The following MAST4 variants were observed in gnomAD, a reference collection of about 807,000 sequenced individuals.
The protein encoded by MAST4 is microtubule associated serine/threonine kinase family member 4.
MAST4 carries 89 observed loss-of-function variants against 162.7 expected under a neutral mutation model. That is an observed-to-expected ratio of 0.55 (90% CI 0.46 to 0.65). MAST4 has a LOEUF of 0.65. Ranked by LOEUF, MAST4 falls within the 30% of genes least tolerant of loss-of-function variation. The pLI is 0.00. For missense variants in MAST4, 3,153 were observed against 3,374.0 expected, an observed-to-expected ratio of 0.93 and a Z score of 1.62; for synonymous variants, 1,479 against 1,361.1, an observed-to-expected ratio of 1.09 and a Z score of -1.91.
intron 3 of MAST4, among the ~76,000 whole-genome samples, chr5:66,866,375 A>G (rs186739808): frequency 2.8e-4 from 42 of 152,330 alleles, no homozygotes; most frequent in African/African-American, 1.0e-3. Flanking sequence ...GTGGGTTTTT[A>G]GAAGCCTATG....
At chr5:66,643,864 G>C (rs979462545) in intron 1 of MAST4, among the ~76,000 whole-genome samples, 5 of 146,428 alleles carry the variant, frequency 3.4e-5, no homozygotes, top group African/African-American at 1.3e-4. Context: ...CAGGAAAGAA[G>C]AGCAATAGCT....
At chr5:67,130,622 G>T (rs559689166) in intron 15 of MAST4, among the ~76,000 whole-genome samples, 1 of 152,060 alleles carries the variant, frequency 6.6e-6, no homozygotes. Flanking sequence ...GAAAATTAGC[G>T]CTATCTGGAA....
In MAST4 at chr5:67,164,352, C is replaced by G. The variant is rs1561202735; in HGVS notation, c.5173C>G (p.Pro1725Ala). The change falls in exon 29 of 29, where the codon CCC (proline) becomes GCC (alanine). Residue 1725 changes from proline (P) to alanine (A), a missense_variant. By Grantham distance (27) the Pro-to-Ala change is conservative. Transcript: ENST00000403625. The surrounding 1 kb of genome is among the most constrained non-coding windows in gnomAD (Gnocchi z 5.3). ...ATGCCTGCCAGGGAACCCAGTCCGA[C>G]CCACGGGTGGGCAGCAGGAGCCCCC... is the stretch of plus-strand genomic sequence containing the variant. ...HECLPGNPVR[P>A]TGGQQEPPPA... The G allele has an allele frequency of 1.2e-6, 2 of 1,613,978 alleles. No homozygotes were observed. The highest frequency in any genetic ancestry group is 1.7e-6 in the Non-Finnish European group (2 of 1,179,876).
At chr5:67,040,313 C>T (rs1272785766) in intron 4 of MAST4, among the ~76,000 whole-genome samples, 1 of 152,106 alleles carries the variant, frequency 6.6e-6, no homozygotes, top group African/African-American at 2.4e-5. Context: ...CAGTTCTCTC[C>T]AGAGAGCTGT....
chr5:67,041,027 T>C (rs1225213305), intron 4 of MAST4, among the ~76,000 whole-genome samples: 1 of 152,216 alleles, frequency 6.6e-6, no homozygotes, highest in Non-Finnish European at 1.5e-5. Flanking sequence ...AATTAAACCA[T>C]TGCTTGGAGT....
At chr5:66,614,467 A>G (rs549783858) in intron 1 of MAST4, among the ~76,000 whole-genome samples, 13 of 152,288 alleles carry the variant, frequency 8.5e-5, no homozygotes, top group African/African-American at 2.9e-4. Flanking sequence ...GTCTTGGGGT[A>G]TGTGAAGCCA....
rs557164466 is a variant in MAST4, at chr5:66,711,672, TA to T, written c.364-48032del. Among the ~76,000 whole-genome samples the T allele has an allele frequency of 6.5e-3, 991 of 152,140 alleles. 2 individuals are homozygous for T. Among genetic ancestry groups the T allele is most frequent in the South Asian group, 0.03 (142 of 4,810 alleles). On this transcript the variant is annotated intron_variant, in intron 1 of 28. Transcript: ENST00000403625. ...CAACATGGTGAAACCCCATCTCCAC[TA>T]AAAATACAAGAATTAGCTGGGCATG...
At chr5:66,771,813 A>G (rs891837653) in intron 2 of MAST4, among the ~76,000 whole-genome samples, 1 of 150,890 alleles carries the variant, frequency 6.6e-6, no homozygotes, top group Non-Finnish European at 1.5e-5. Flanking sequence ...AGGCGTAATC[A>G]TATTCCTTTT....
intron 4 of MAST4, among the ~76,000 whole-genome samples, chr5:66,988,883 C>T (rs189328163): frequency 1.3e-3 from 194 of 152,270 alleles, no homozygotes; most frequent in African/African-American, 4.5e-3. Flanking sequence ...CACATTTTAA[C>T]GTTTCTAGAA....
At chr5:66,761,504 AC>A (rs1368518705) in intron 2 of MAST4, among the ~76,000 whole-genome samples, 1 of 152,002 alleles carries the variant, frequency 6.6e-6, no homozygotes, top group Non-Finnish European at 1.5e-5. Flanking sequence ...TTTTCTTTCT[AC>A]ATGATGGTCT....
At chr5:66,752,200 G>A (rs1299183784) in intron 1 of MAST4, among the ~76,000 whole-genome samples, 2 of 152,194 alleles carry the variant, frequency 1.3e-5, no homozygotes, top group Non-Finnish European at 2.9e-5. Context: ...ATGGCAAAAT[G>A]TAAAGACCGT....
intron 3 of MAST4, among the ~76,000 whole-genome samples, chr5:66,858,470 C>T (rs1340010547): frequency 6.6e-6 from 1 of 152,106 alleles, no homozygotes; most frequent in Non-Finnish European, 1.5e-5. Context: ...TTCACCACCT[C>T]CAGTTTATAC....
intron 3 of MAST4, among the ~76,000 whole-genome samples, chr5:66,791,358 C>A (rs1382292415): frequency 1.3e-5 from 2 of 152,224 alleles, no homozygotes; most frequent in African/African-American, 2.4e-5. Context: ...CTAGTACTAA[C>A]AGTCACATAC....
chr5:66,738,414 G>T (rs1409919359), intron 1 of MAST4, among the ~76,000 whole-genome samples: 1 of 152,204 alleles, frequency 6.6e-6, no homozygotes, highest in East Asian at 1.9e-4. Context: ...ATGCCTAGAA[G>T]GTGGAGAGCC....
intron 1 of MAST4, among the ~76,000 whole-genome samples, chr5:66,634,444 G>A (rs1027618040): frequency 6.6e-6 from 1 of 152,238 alleles, no homozygotes; most frequent in South Asian, 2.1e-4. Flanking sequence ...ACAGCCACAA[G>A]GCCTCGCTAT....
intron 3 of MAST4, among the ~76,000 whole-genome samples, chr5:66,841,722 T>G (rs2149788886): frequency 6.6e-6 from 1 of 152,284 alleles, no homozygotes; most frequent in Admixed American, 6.5e-5. Context: ...CTTTGTGGAT[T>G]AGGGCATCAA....
chr5:67,020,385 G>T (rs1408219282), intron 4 of MAST4, among the ~76,000 whole-genome samples: 2 of 152,194 alleles, frequency 1.3e-5, no homozygotes, highest in Non-Finnish European at 2.9e-5. Context: ...CCAACAATCT[G>T]CCACATTATC....
intron 2 of MAST4, among the ~76,000 whole-genome samples, chr5:66,783,583 A>G (rs1659264699): frequency 6.6e-6 from 1 of 152,240 alleles, no homozygotes; most frequent in African/African-American, 2.4e-5. Flanking sequence ...ACTGGATGTC[A>G]AAGCCTTGTC....
At chr5:66,986,601 T>C in intron 4 of MAST4, 1 of 136,096 alleles carries the variant, frequency 7.3e-6, no homozygotes, top group Non-Finnish European at 1.2e-5. Context: ...TGTATGAATT[T>C]ATATATATAT....
Sources: gnomAD v4.1 joint callset for allele counts (sites outside exome capture counted in the v4.1 genomes callset) on GRCh38, gnomAD v4.1.1 for gene constraint, Gnocchi (gnomAD v3.1) non-coding constraint, MANE v1.5 for transcripts, NCBI Gene and HGNC (gene_info 2026-07-23, HGNC 2026-07-21) for gene names.